Variants in CLVS1 observed in about 807,000 individuals in gnomAD.
CLVS1 encodes clavesin-1.
Under a neutral mutation model 33.1 loss-of-function variants are expected in CLVS1, and 10 were observed. That is an observed-to-expected ratio of 0.30 (90% CI 0.19 to 0.51). The LOEUF is 0.51. CLVS1 is among the 20% of genes least tolerant of loss of function. CLVS1 has a pLI of 0.97. For missense variants in CLVS1, 343 were observed against 433.4 expected (o/e 0.79, Z 1.85); for synonymous variants, 163 against 166.1 (o/e 0.98, Z 0.14).
At chr8:61,337,875 T>C (rs1811862504) in intron 2 of CLVS1, among the ~76,000 whole-genome samples, 1 of 152,202 alleles carries the variant, frequency 6.6e-6, no homozygotes, top group Non-Finnish European at 1.5e-5. Flanking sequence ...ATCTTCTTTA[T>C]AGATCTCATT....
upstream of CLVS1, among the ~76,000 whole-genome samples, chr8:61,283,222 G>T (rs550145822): frequency 1.3e-4 from 20 of 152,240 alleles, no homozygotes; most frequent in South Asian, 3.9e-3. Flanking sequence ...TGATAACAGT[G>T]GTTATGCCAC....
intron 3 of CLVS1, among the ~76,000 whole-genome samples, chr8:61,394,007 C>A (rs987714322): frequency 2.0e-5 from 3 of 152,162 alleles, no homozygotes; most frequent in African/African-American, 7.2e-5. Context: ...GTAGTATTGC[C>A]AATCACCCTA....
chr8:60,984,350 C>T, the CLVS1 span, among the ~76,000 whole-genome samples: 4 of 149,546 alleles, frequency 2.7e-5, no homozygotes, highest in African/African-American at 9.8e-5. Flanking sequence ...GACAGAATTC[C>T]GCTTTTGTCA....
intron 3 of CLVS1, among the ~76,000 whole-genome samples, chr8:61,428,870 C>G (rs910064734): frequency 6.6e-6 from 1 of 152,160 alleles, no homozygotes; most frequent in African/African-American, 2.4e-5. Context: ...ATAAAAGAAC[C>G]CCACAATTAA....
the CLVS1 span, among the ~76,000 whole-genome samples, chr8:61,038,336 T>C: frequency 1.3e-5 from 2 of 152,026 alleles, no homozygotes; most frequent in South Asian, 2.1e-4. Context: ...GTTTCCCATA[T>C]GAGAGGAAGG....
At chr8:61,387,364 G>A (rs1282608275) in intron 3 of CLVS1, among the ~76,000 whole-genome samples, 2 of 151,994 alleles carry the variant, frequency 1.3e-5, no homozygotes, top group Non-Finnish European at 2.9e-5. Flanking sequence ...TCCAGGCTGG[G>A]TGGCTGAGCA....
intron 2 of CLVS1, among the ~76,000 whole-genome samples, chr8:61,151,786 T>C (rs1358018188): frequency 1.3e-5 from 2 of 152,148 alleles, no homozygotes; most frequent in African/African-American, 4.8e-5. Flanking sequence ...AAAGAAGTAG[T>C]TTCTAATTCA....
chr8:61,382,804 G>T (rs1017989892), intron 3 of CLVS1, among the ~76,000 whole-genome samples: 5 of 152,160 alleles, frequency 3.3e-5, no homozygotes, highest in Non-Finnish European at 4.4e-5. Flanking sequence ...GTGGGTGAGA[G>T]TAGAGCCCAC....
chr8:61,354,192 C>A (rs1039802297), intron 2 of CLVS1, among the ~76,000 whole-genome samples: 1 of 152,076 alleles, frequency 6.6e-6, no homozygotes, highest in Non-Finnish European at 1.5e-5. Flanking sequence ...TGCATGTTCT[C>A]TTCTAGCTCA....
At chr8:61,248,917 C>T (rs1252896113) in intron 2 of CLVS1, among the ~76,000 whole-genome samples, 2 of 151,890 alleles carry the variant, frequency 1.3e-5, no homozygotes, top group African/African-American at 4.8e-5. Context: ...ATATGAAATG[C>T]ACTTCTTTTT....
chr8:61,392,658 G>T (rs1002125846), intron 3 of CLVS1, among the ~76,000 whole-genome samples: 1 of 151,808 alleles, frequency 6.6e-6, no homozygotes, highest in African/African-American at 2.4e-5. Flanking sequence ...AGGAGTTCTG[G>T]ACCAGCCTTG....
chr8:61,298,721 A>G (rs1810311351), intron 1 of CLVS1, among the ~76,000 whole-genome samples: 3 of 152,354 alleles, frequency 2.0e-5, no homozygotes, highest in African/African-American at 7.2e-5. Context: ...GGTTAGACCA[A>G]ACAGATGTCT....
chr8:61,047,740 A>G, the CLVS1 span, among the ~76,000 whole-genome samples: 1 of 152,186 alleles, frequency 6.6e-6, no homozygotes, highest in Admixed American at 6.5e-5. Flanking sequence ...GGAATTGAAC[A>G]ATGAGAACAC....
chr8:61,439,564 G>T (rs1461100092), intron 3 of CLVS1, among the ~76,000 whole-genome samples: 1 of 152,170 alleles, frequency 6.6e-6, no homozygotes, highest in Admixed American at 6.5e-5. Context: ...ACAAGGAAAG[G>T]ATAAAATTCT....
intron 2 of CLVS1, among the ~76,000 whole-genome samples, chr8:61,282,879 T>C (rs1228911213): frequency 2.0e-5 from 3 of 152,136 alleles, no homozygotes; most frequent in African/African-American, 4.8e-5. Flanking sequence ...GGATAGGAAA[T>C]GGAAACTATA....
intron 3 of CLVS1, among the ~76,000 whole-genome samples, chr8:61,393,057 A>G (rs2129602966): frequency 6.6e-6 from 1 of 151,492 alleles, no homozygotes; most frequent in East Asian, 2.0e-4. Flanking sequence ...CTAATTTTGT[A>G]TATTTAGTGG....
chr8:61,174,841 TC>T (rs973210853), intron 2 of CLVS1, among the ~76,000 whole-genome samples: 2 of 89,238 alleles, frequency 2.2e-5, no homozygotes, highest in Admixed American at 1.3e-4. Context: ...GAAATTTTTA[TC>T]CCCCCCGTCA....
chr8:61,181,971 G>A (rs188584522), intron 2 of CLVS1, among the ~76,000 whole-genome samples: 2,519 of 152,196 alleles, frequency 0.017, 30 homozygotes, highest in African/African-American at 0.024. Context: ...AAAGTGCTGG[G>A]ATTACAGGCG....
chr8:61,306,601 C>T (rs1810635213), intron 2 of CLVS1, among the ~76,000 whole-genome samples: 2 of 152,206 alleles, frequency 1.3e-5, no homozygotes, highest in Admixed American at 6.5e-5. Flanking sequence ...AATAGCATTG[C>T]CATAAACATG....
Sources: allele counts gnomAD v4.1 joint callset (sites outside exome capture counted in the v4.1 genomes callset), GRCh38; gene constraint gnomAD v4.1.1; transcripts MANE v1.5; gene names NCBI Gene and HGNC (gene_info 2026-07-23, HGNC 2026-07-21).